Variants in EXOC4 observed in about 807,000 individuals in gnomAD.
EXOC4 encodes the protein exocyst complex component 4.
EXOC4 carries 71 observed loss-of-function variants against 107.2 expected under a neutral mutation model. That is an observed-to-expected ratio of 0.66 (90% CI 0.55 to 0.81). The LOEUF (loss-of-function observed/expected upper bound fraction) is 0.81, where lower values mean the gene tolerates loss of function less well. Among genes scored for constraint, EXOC4 ranks in the 30% least tolerant of loss-of-function variants. EXOC4 has a pLI of 0.00. For missense variants in EXOC4, 1,108 were observed against 1,189.6 expected (o/e 0.93, Z 1.01); for synonymous variants, 456 against 441.2 (o/e 1.03, Z -0.42).
At chr7:133,354,513 A>G (rs961000579) in intron 5 of EXOC4, among the ~76,000 whole-genome samples, 1 of 152,136 alleles carries the variant, frequency 6.6e-6, no homozygotes, top group Non-Finnish European at 1.5e-5. Flanking sequence ...AACGGGGAGC[A>G]AGAGAAAAAT....
At chr7:133,620,252 C>G (rs1214168020) in intron 9 of EXOC4, among the ~76,000 whole-genome samples, 2 of 151,964 alleles carry the variant, frequency 1.3e-5, no homozygotes, top group African/African-American at 2.4e-5. Flanking sequence ...GTTTCGAACT[C>G]CTGACCTTAA....
intron 12 of EXOC4, 43 bp from the exon 13 acceptor site, chr7:133,917,540 A>G (rs749043621): frequency 1.0e-5 from 16 of 1,585,328 alleles, no homozygotes; most frequent in Admixed American, 5.2e-5. Context: ...ACTGAATACC[A>G]GGCATCATGC....
At position 133,990,550 on chromosome 7, in the gene EXOC4, G is replaced by A. The variant is rs938856981; in HGVS notation, c.2207-6942G>A. On this transcript the variant is annotated intron_variant, in intron 14 of 17. Transcript: ENST00000253861. Reference sequence around the variant, plus strand: ...CTGCAACCTCCTCCTCCTGGGTCCCGGTTCAAGCAATTCTCCTGCCTTAGC... The same window carrying A: ...CTGCAACCTCCTCCTCCTGGGTCCCAGTTCAAGCAATTCTCCTGCCTTAGC... 6.6e-5 allele frequency among the ~76,000 whole-genome samples: 10 copies of A among 152,100 alleles called. No homozygotes were observed. The East Asian group carries it at 1.2e-3, about 18-fold the overall frequency.
chr7:133,748,989 C>T (rs1795734152), intron 10 of EXOC4, among the ~76,000 whole-genome samples: 1 of 152,226 alleles, frequency 6.6e-6, no homozygotes, highest in Non-Finnish European at 1.5e-5. Context: ...CAGCCTCAGA[C>T]TGCACAAAGA....
At chr7:134,041,997 G>C (rs372337445) in intron 17 of EXOC4, among the ~76,000 whole-genome samples, 3 of 152,140 alleles carry the variant, frequency 2.0e-5, no homozygotes, top group African/African-American at 7.2e-5. Context: ...TACAGGGTTT[G>C]TGTACCCTGA....
At chr7:134,022,286 G>A (rs1795047594) in intron 17 of EXOC4, among the ~76,000 whole-genome samples, 1 of 152,078 alleles carries the variant, frequency 6.6e-6, no homozygotes, top group Admixed American at 6.5e-5. Context: ...GTTCTCCAGG[G>A]ATATAGGTAT....
At chr7:133,669,660 G>T (rs926303550) in intron 10 of EXOC4, among the ~76,000 whole-genome samples, 1 of 152,184 alleles carries the variant, frequency 6.6e-6, no homozygotes, top group South Asian at 2.1e-4. Context: ...AGTTTTAAAA[G>T]ATAGAAATTT....
intron 5 of EXOC4, among the ~76,000 whole-genome samples, chr7:133,342,842 C>CT (rs1257967333): frequency 6.6e-6 from 1 of 152,092 alleles, no homozygotes; most frequent in Non-Finnish European, 1.5e-5. Context: ...TTGCATATCT[C>CT]TGAGTGTGTC....
intron 9 of EXOC4, among the ~76,000 whole-genome samples, chr7:133,571,814 C>T (rs1801029953): frequency 6.6e-6 from 1 of 152,128 alleles, no homozygotes; most frequent in Non-Finnish European, 1.5e-5. Flanking sequence ...ACTCAGGGGT[C>T]CTGACGTGGT....
At chr7:133,523,138 A>G (rs1800011074) in intron 9 of EXOC4, among the ~76,000 whole-genome samples, 1 of 152,176 alleles carries the variant, frequency 6.6e-6, no homozygotes. Flanking sequence ...ATTGCTTGAG[A>G]CTGCCCCCTT....
chr7:134,040,751 G>A (rs1795496169), intron 17 of EXOC4, among the ~76,000 whole-genome samples: 2 of 152,130 alleles, frequency 1.3e-5, no homozygotes, highest in African/African-American at 4.8e-5. Flanking sequence ...AACAATATTT[G>A]TAATATTGCA....
intron 5 of EXOC4, among the ~76,000 whole-genome samples, chr7:133,331,250 C>T (rs897481617): frequency 7.2e-5 from 11 of 151,946 alleles, no homozygotes; most frequent in Admixed American, 6.6e-5. Flanking sequence ...TTGCAATTCA[C>T]AGACAAGTCC....
At chr7:133,879,283 C>T (rs945396728) in intron 11 of EXOC4, among the ~76,000 whole-genome samples, 1 of 151,718 alleles carries the variant, frequency 6.6e-6, no homozygotes, top group African/African-American at 2.4e-5. Flanking sequence ...TTTGTAGAGA[C>T]AGGGTCTTGC....
chr7:133,825,031 ACT>A (rs569995033), intron 11 of EXOC4, among the ~76,000 whole-genome samples: 91 of 151,498 alleles, frequency 6.0e-4, no homozygotes, highest in African/African-American at 2.1e-3. Flanking sequence ...TTCCTTGACG[ACT>A]CTCTGGCAGG....
At chr7:133,699,397 A>AG (rs1482118808) in intron 10 of EXOC4, among the ~76,000 whole-genome samples, 1 of 152,144 alleles carries the variant, frequency 6.6e-6, no homozygotes, top group Non-Finnish European at 1.5e-5. Flanking sequence ...CAGGAATAGC[A>AG]GGGGAGCAAT....
At chr7:133,756,292 G>A (rs1795915242) in intron 10 of EXOC4, among the ~76,000 whole-genome samples, 1 of 152,108 alleles carries the variant, frequency 6.6e-6, no homozygotes, top group Non-Finnish European at 1.5e-5. Context: ...GGTAAAGGGT[G>A]GGGGTATTTA....
chr7:133,722,819 C>T (rs1795132578), intron 10 of EXOC4, among the ~76,000 whole-genome samples: 1 of 152,144 alleles, frequency 6.6e-6, no homozygotes. Flanking sequence ...TTGAGTTATG[C>T]CCTTACCTCG....
At chr7:133,525,486 G>C (rs954808617) in intron 9 of EXOC4, among the ~76,000 whole-genome samples, 1 of 152,172 alleles carries the variant, frequency 6.6e-6, no homozygotes, top group Non-Finnish European at 1.5e-5. Context: ...TGGTGAGACT[G>C]CTTCAGAGCA....
chr7:133,852,149 A>G (rs1798250503), intron 11 of EXOC4, among the ~76,000 whole-genome samples: 1 of 152,056 alleles, frequency 6.6e-6, no homozygotes, highest in African/African-American at 2.4e-5. Flanking sequence ...ATACTAAAGC[A>G]GTCTCAGCTT....
Sources: gnomAD v4.1 joint callset for allele counts (sites outside exome capture counted in the v4.1 genomes callset) on GRCh38, gnomAD v4.1.1 for gene constraint, MANE v1.5 for transcripts, NCBI Gene and HGNC (gene_info 2026-07-23, HGNC 2026-07-21) for gene names.